PSMA6: variants seen among roughly 807,000 people sequenced by gnomAD.
PSMA6 encodes the protein proteasome 20S subunit alpha 6.
For synonymous variants in PSMA6, 88 were observed against 97.7 expected, an observed-to-expected ratio of 0.90 and a Z score of 0.59; for missense variants, 170 against 294.8, an observed-to-expected ratio of 0.58 and a Z score of 3.10.
upstream of PSMA6, chr14:35,292,207 A>C: frequency 1.1e-6 from 1 of 900,492 alleles, no homozygotes; most frequent in Non-Finnish European, 1.5e-6. Context: ...CCACGACCCA[A>C]GTTTCACGTC....
At chr14:35,304,206 C>G (rs1211693842) in intron 1 of PSMA6, among the ~76,000 whole-genome samples, 1 of 152,150 alleles carries the variant, frequency 6.6e-6, no homozygotes, top group South Asian at 2.1e-4. Context: ...CTCCTGACTT[C>G]AGGTGATCTG....
intron 3 of PSMA6, 67 bp downstream of exon 3, chr14:35,309,062 A>C: frequency 8.1e-7 from 1 of 1,240,180 alleles, no homozygotes; most frequent in South Asian, 1.3e-5. Flanking sequence ...TCTTCAAATT[A>C]TTTTGAGTTT....
upstream of PSMA6, among the ~76,000 whole-genome samples, chr14:35,289,546 G>A (rs1056273685): frequency 1.2e-4 from 18 of 151,928 alleles, no homozygotes; most frequent in Non-Finnish European, 2.2e-4. Context: ...CACCATGTTC[G>A]CCAGGGTGGT....
intron 1 of PSMA6, among the ~76,000 whole-genome samples, chr14:35,301,005 G>T (rs1265894592): frequency 6.6e-6 from 1 of 152,198 alleles, no homozygotes; most frequent in East Asian, 1.9e-4. Flanking sequence ...TCCAGAGCTA[G>T]AGATGACAGA....
At chr14:35,286,818 A>G (rs2051426070) in intron 1 of PSMA6, among the ~76,000 whole-genome samples, 1 of 152,102 alleles carries the variant, frequency 6.6e-6, no homozygotes, top group Admixed American at 6.6e-5. Flanking sequence ...GTTGCTAAAC[A>G]CTGTATTGCA....
chr14:35,311,067 A>G, intron 4 of PSMA6, 172 bp downstream of exon 4: 1 of 595,378 alleles, frequency 1.7e-6, no homozygotes, highest in Non-Finnish European at 2.8e-6. Flanking sequence ...TCACAACAGT[A>G]TGTCGGGCAT....
chr14:35,307,551 C>G (rs550245200), intron 1 of PSMA6, among the ~76,000 whole-genome samples: 2 of 152,100 alleles, frequency 1.3e-5, no homozygotes, highest in Non-Finnish European at 2.9e-5. Flanking sequence ...CTGGCCAACA[C>G]AGCGAAACCC....
chr14:35,296,659 T>C (rs2138721343), intron 1 of PSMA6, among the ~76,000 whole-genome samples: 1 of 152,268 alleles, frequency 6.6e-6, no homozygotes, highest in East Asian at 1.9e-4. Context: ...GGGGATACTG[T>C]CAAGAAGAAA....
At chr14:35,284,692 C>T (rs1333226109) in intron 1 of PSMA6, among the ~76,000 whole-genome samples, 4 of 152,172 alleles carry the variant, frequency 2.6e-5, no homozygotes, top group Non-Finnish European at 5.9e-5. Context: ...GCTCCTTGGT[C>T]TTTTGTGTGT....
intron 6 of PSMA6, chr14:35,314,706 C>G (rs764968718): frequency 3.7e-6 from 1 of 272,154 alleles, no homozygotes; most frequent in African/African-American, 2.2e-5. Flanking sequence ...ATAAAGTTAC[C>G]TTCCTTATGT....
At chr14:35,285,956 C>A (rs2051417848) in intron 1 of PSMA6, among the ~76,000 whole-genome samples, 1 of 152,148 alleles carries the variant, frequency 6.6e-6, no homozygotes, top group African/African-American at 2.4e-5. Context: ...CATGCAGTAC[C>A]TATTTGGTTT....
intron 5 of PSMA6, 82 bp from the exon 6 acceptor site, chr14:35,314,279 C>A (rs2051997203): frequency 7.3e-7 from 1 of 1,360,848 alleles, no homozygotes. Context: ...CTGATTGACT[C>A]ATGATTTGAA....
chr14:35,294,529 G>A (rs142302030), intron 1 of PSMA6, among the ~76,000 whole-genome samples: 16 of 152,336 alleles, frequency 1.1e-4, no homozygotes, highest in African/African-American at 3.6e-4. Flanking sequence ...GCACTTGCCA[G>A]GTATGTAACC....
chr14:35,286,996 G>T (rs1465647969), intron 1 of PSMA6, among the ~76,000 whole-genome samples: 1 of 152,110 alleles, frequency 6.6e-6, no homozygotes, highest in African/African-American at 2.4e-5. Flanking sequence ...ACCACATTTG[G>T]TGCTCCATTT....
intron 1 of PSMA6, among the ~76,000 whole-genome samples, chr14:35,281,652 TG>T (rs2051367168): frequency 6.6e-6 from 1 of 152,244 alleles, no homozygotes; most frequent in African/African-American, 2.4e-5. Context: ...CAGACTTAAC[TG>T]GAAACTAAAA....
intron 1 of PSMA6, among the ~76,000 whole-genome samples, chr14:35,305,426 G>A (rs2051804403): frequency 6.6e-6 from 1 of 152,224 alleles, no homozygotes; most frequent in South Asian, 2.1e-4. Flanking sequence ...GTGAGCCACT[G>A]CACCCAGCTG....
At position 35,307,927 on chromosome 14, in the gene PSMA6, C is replaced by CT. The variant is rs2051861742; in HGVS notation, c.77-66dup. 17 of 1,443,342 alleles carry CT rather than the reference C, an allele frequency of 1.2e-5. No homozygotes were observed. The Admixed American group carries it at 2.8e-4, about 24-fold the overall frequency. 89.4% of individuals were successfully genotyped at this position (1,443,342 alleles called of 1,614,324 possible). A position where few individuals can be genotyped will look rare whatever the true frequency, so the allele number is the denominator to read the frequency against. ...AGCTCTTTCTCATTCTTTTTAATGA[C>CT]TATTATTTCATTGCAAGAATCTACA... On this transcript the variant is annotated intron_variant, in intron 1 of 6. Coordinates refer to ENST00000261479, the MANE Select transcript of PSMA6 (RefSeq NM_002791.3).
intron 1 of PSMA6, among the ~76,000 whole-genome samples, chr14:35,286,998 G>A (rs2051427367): frequency 6.6e-6 from 1 of 152,134 alleles, no homozygotes; most frequent in Admixed American, 6.6e-5. Flanking sequence ...CACATTTGGT[G>A]CTCCATTTGT....
intron 1 of PSMA6, among the ~76,000 whole-genome samples, chr14:35,303,372 A>G (rs12878391): frequency 0.23 from 35,524 of 151,968 alleles, 4,270 homozygotes; most frequent in Non-Finnish European, 0.26. Context: ...CTCACTCTCT[A>G]GTGCTCTGGT....
Sources: gnomAD v4.1 joint callset for allele counts (sites outside exome capture counted in the v4.1 genomes callset) on GRCh38, gnomAD v4.1.1 for gene constraint, MANE v1.5 for transcripts, NCBI Gene and HGNC (gene_info 2026-07-23, HGNC 2026-07-21) for gene names.